The following PLPPR1 variants were observed in gnomAD, a reference collection of about 807,000 sequenced individuals.
PLPPR1 encodes phospholipid phosphatase-related protein type 1.
In PLPPR1, 10 loss-of-function variants were observed where a neutral mutation model predicts 33.1. The observed-to-expected ratio is 0.30, with a 90% confidence interval of 0.19 to 0.51. The LOEUF is 0.51. Ranked by LOEUF, PLPPR1 falls within the 20% of genes least tolerant of loss-of-function variation. The probability of loss-of-function intolerance (pLI) is 0.97; values close to 1 mark genes in which losing one functional copy is unlikely to be tolerated. For missense variants in PLPPR1, 304 were observed against 408.1 expected, an observed-to-expected ratio of 0.74 and a Z score of 2.20; for synonymous variants, 151 against 151.0, an observed-to-expected ratio of 1.00 and a Z score of 0.00.
chr9:101,287,912 A>C (rs1414182480), intron 4 of PLPPR1, among the ~76,000 whole-genome samples: 1 of 152,188 alleles, frequency 6.6e-6, no homozygotes, highest in Admixed American at 6.5e-5. Context: ...ACATAATTTG[A>C]TTCAGGGAAG....
chr9:101,272,339 C>A (rs1828116378), intron 3 of PLPPR1, among the ~76,000 whole-genome samples: 1 of 152,086 alleles, frequency 6.6e-6, no homozygotes, highest in Non-Finnish European at 1.5e-5. Context: ...TGTTTCAAGG[C>A]CTTTTCATAA....
chr9:101,070,847 A>C (rs958975266), intron 1 of PLPPR1, among the ~76,000 whole-genome samples: 6 of 152,158 alleles, frequency 3.9e-5, no homozygotes, highest in African/African-American at 1.4e-4. Flanking sequence ...TCTGCATTGT[A>C]TCCTCCAGCA....
intron 2 of PLPPR1, among the ~76,000 whole-genome samples, chr9:101,265,990 C>T (rs1164579939): frequency 6.8e-6 from 1 of 147,880 alleles, no homozygotes; most frequent in African/African-American, 2.5e-5. Context: ...TGCGAGACAC[C>T]GCCTCAAAAA....
intron 1 of PLPPR1, among the ~76,000 whole-genome samples, chr9:101,101,407 T>G (rs775059462): frequency 6.6e-6 from 1 of 152,086 alleles, no homozygotes; most frequent in Non-Finnish European, 1.5e-5. Flanking sequence ...TCAATGCTCC[T>G]GAATCTTTGT....
intron 2 of PLPPR1, among the ~76,000 whole-genome samples, chr9:101,226,313 A>G (rs1827066664): frequency 6.6e-6 from 1 of 152,136 alleles, no homozygotes; most frequent in African/African-American, 2.4e-5. Context: ...CCAAGCAAGT[A>G]GCCAGGGCTT....
intron 2 of PLPPR1, chr9:101,187,411 T>C (rs1414786275): frequency 6.6e-6 from 1 of 151,978 alleles, no homozygotes; most frequent in East Asian, 1.9e-4. Context: ...TTCTGTAGCT[T>C]ACCCTGACAC....
At chr9:101,079,643 G>A (rs1411596327) in intron 1 of PLPPR1, among the ~76,000 whole-genome samples, 5 of 151,086 alleles carry the variant, frequency 3.3e-5, no homozygotes, top group East Asian at 2.0e-4. Context: ...GCAGTGGCAC[G>A]ATCTTGGCTC....
intron 3 of PLPPR1, among the ~76,000 whole-genome samples, chr9:101,284,973 A>C (rs1828367111): frequency 3.9e-5 from 6 of 152,168 alleles, no homozygotes; most frequent in Admixed American, 3.3e-4. Flanking sequence ...CGTGTATACT[A>C]ATTCCTGTGC....
chr9:101,140,987 C>G (rs12352041), intron 1 of PLPPR1, among the ~76,000 whole-genome samples: 346 of 152,258 alleles, frequency 2.3e-3, no homozygotes, highest in African/African-American at 7.9e-3. Flanking sequence ...ATGATGATGA[C>G]GCCTAGCAGG....
intron 1 of PLPPR1, among the ~76,000 whole-genome samples, chr9:101,096,664 T>A (rs1269065062): frequency 1.6e-5 from 2 of 128,230 alleles, no homozygotes; most frequent in African/African-American, 5.4e-5. Context: ...GTGTGCTGTC[T>A]AATGAGGATT....
At chr9:101,248,759 C>T (rs77779560) in intron 2 of PLPPR1, among the ~76,000 whole-genome samples, 2,525 of 152,064 alleles carry the variant, frequency 0.017, 65 homozygotes, top group African/African-American at 0.058. Flanking sequence ...GAGAAAACAA[C>T]GAAAATACTG....
At chr9:101,276,052 G>C (rs1828186150) in intron 3 of PLPPR1, among the ~76,000 whole-genome samples, 1 of 152,308 alleles carries the variant, frequency 6.6e-6, no homozygotes, top group African/African-American at 2.4e-5. Context: ...ATGCAAGCCT[G>C]TTGGCTGGCT....
At chr9:101,051,124 T>C (rs1042989506) in intron 1 of PLPPR1, among the ~76,000 whole-genome samples, 1 of 152,184 alleles carries the variant, frequency 6.6e-6, no homozygotes, top group African/African-American at 2.4e-5. Flanking sequence ...AGCTTCCATT[T>C]TCTGTTCTTC....
At chr9:101,198,779 G>A (rs771615246) in intron 2 of PLPPR1, among the ~76,000 whole-genome samples, 1 of 152,194 alleles carries the variant, frequency 6.6e-6, no homozygotes, top group Non-Finnish European at 1.5e-5. Context: ...AGTGTGGCAT[G>A]GACCAAGACC....
chr9:101,166,416 G>A (rs1396479294), intron 1 of PLPPR1, among the ~76,000 whole-genome samples: 1 of 152,114 alleles, frequency 6.6e-6, no homozygotes, highest in African/African-American at 2.4e-5. Flanking sequence ...AAGACACTTA[G>A]TGTACAACTG....
chr9:101,086,135 T>G (rs1830672285), intron 1 of PLPPR1, among the ~76,000 whole-genome samples: 1 of 152,176 alleles, frequency 6.6e-6, no homozygotes, highest in Non-Finnish European at 1.5e-5. Flanking sequence ...CTATGTTCAT[T>G]TGTCTACTGT....
intron 4 of PLPPR1, among the ~76,000 whole-genome samples, chr9:101,295,147 T>C (rs1828598166): frequency 6.6e-6 from 1 of 151,760 alleles, no homozygotes; most frequent in Non-Finnish European, 1.5e-5. Context: ...AGCATTCTTA[T>C]ACACCAATAA....
intron 2 of PLPPR1, among the ~76,000 whole-genome samples, chr9:101,236,007 T>A (rs1311327131): frequency 6.6e-6 from 1 of 151,822 alleles, no homozygotes; most frequent in Admixed American, 6.6e-5. Context: ...TATATTTATA[T>A]TTAGAGTGGG....
chr9:101,101,523 A>G (rs1361007291), intron 1 of PLPPR1, among the ~76,000 whole-genome samples: 1 of 133,616 alleles, frequency 7.5e-6, no homozygotes, highest in Admixed American at 7.3e-5. Context: ...ATTCAAATGG[A>G]AAAAAAAAAA....
Sources: gnomAD v4.1 joint callset for allele counts (sites outside exome capture counted in the v4.1 genomes callset) on GRCh38, gnomAD v4.1.1 for gene constraint, MANE v1.5 for transcripts, NCBI Gene and HGNC (gene_info 2026-07-23, HGNC 2026-07-21) for gene names.